The following BRAT1 variants were observed in gnomAD, a reference collection of about 807,000 sequenced individuals.
BRAT1 encodes BRCA1 associated ATM activator 1, also known as integrator complex assembly factor BRAT1.
BRAT1 carries 74 observed loss-of-function variants against 70.6 expected under a neutral mutation model. The observed-to-expected ratio is 1.05, with a 90% CI of 0.87 to 1.27. The LOEUF (loss-of-function observed/expected upper bound fraction) is 1.27. Ranked by LOEUF, BRAT1 falls within the 50% of genes most tolerant of loss-of-function variation. BRAT1 has a pLI of 0.00. For synonymous variants in BRAT1, 615 were observed against 517.1 expected (o/e 1.19, Z -2.57); for missense variants, 1,203 against 1,098.2 (o/e 1.10, Z -1.35).
chr7:2,545,091 C>A, intron 3 of BRAT1, 35 bp from the exon 4 acceptor site: 2 of 1,459,028 alleles, frequency 1.4e-6, no homozygotes, highest in Non-Finnish European at 1.8e-6. Flanking sequence ...GGTGGCCAGG[C>A]GCAGTGGCTG....
Position 2,539,222 on chromosome 7 carries a change from C to T in BRAT1, c.1727G>A (p.Gly576Asp). ...CTCAGGGCTGGTGGGGGCGTGCAGG[C>T]CCTGGCTGGACAGCTGCCCCATGGC... is the stretch of plus-strand genomic sequence containing the variant. ...VTAMGQLSSQ[G>D]LHAPTSPEHA... The change falls in exon 13 of 14, where the codon GGC becomes GAC. Residue 576 changes from glycine to aspartate, a missense_variant. Coordinates refer to ENST00000340611, the MANE Select transcript of BRAT1 (RefSeq NM_152743.4). 1 of 1,610,618 alleles carries T rather than the reference C, an allele frequency of 6.2e-7. No homozygotes were observed. Among genetic ancestry groups the T allele is most frequent in the African/African-American group, 1.3e-5 (1 of 74,992 alleles).
chr7:2,541,621 T>C (rs1583302860), intron 8 of BRAT1, 97 bp downstream of exon 8: 2 of 1,461,802 alleles, frequency 1.4e-6, no homozygotes, highest in Non-Finnish European at 1.8e-6. Flanking sequence ...GATGCAAGGG[T>C]GCTGGGGCAG....
chr7:2,542,051 C>G, intron 7 of BRAT1, 69 bp downstream of exon 7: 1 of 1,392,192 alleles, frequency 7.2e-7, no homozygotes, highest in South Asian at 1.5e-5. Context: ...CAGCTACTCT[C>G]ATCCATCTCC....
Position 2,543,340 on chromosome 7 carries a change from G to A in BRAT1, c.804-17C>T. The A allele has an allele frequency of 6.4e-7, 1 of 1,567,668 alleles. No individual in the cohort carries two copies. Among genetic ancestry groups the A allele is most frequent in the South Asian group, 1.2e-5 (1 of 85,924 alleles). On this transcript the variant is annotated splice_polypyrimidine_tract_variant and intron_variant, in intron 5 of 13. Coordinates refer to ENST00000340611, the MANE Select transcript of BRAT1 (RefSeq NM_152743.4). The surrounding 1 kb of genome is among the most constrained non-coding windows in gnomAD (Gnocchi z 5.5). ...ACGGGAGAACTGCAGGGAGACCCCA[G>A]AGAGAAAAATTACTCCCCCACCCTC...
intron 4 of BRAT1, among the ~76,000 whole-genome samples, chr7:2,544,508 C>CT (rs1479931274): frequency 6.6e-6 from 1 of 152,084 alleles, no homozygotes; most frequent in Admixed American, 6.6e-5. Flanking sequence ...AGCCTCGTTT[C>CT]TTGTTTTTTT....
chr7:2,540,915 T>G, intron 10 of BRAT1, 64 bp downstream of exon 10: 1 of 1,416,034 alleles, frequency 7.1e-7, no homozygotes, highest in Non-Finnish European at 9.3e-7. Flanking sequence ...CGGGGTGGAG[T>G]CAGGGGTGGG....
chr7:2,555,036 G>T (rs895026768), intron 1 of BRAT1, among the ~76,000 whole-genome samples: 2 of 150,790 alleles, frequency 1.3e-5, no homozygotes, highest in African/African-American at 4.9e-5. Flanking sequence ...GAGGGGAAGG[G>T]GCACCTGTCC....
At position 2,537,933 on chromosome 7, in the gene BRAT1, TTG is replaced by T; in HGVS notation, c.*134_*135del. ...CATCAAACTGTGGGATTTCTTGACC[TTG>T]CTTCTCTCCTGGTCCTGGCTTCCCC... is the stretch of plus-strand genomic sequence containing the variant. On this transcript the variant is annotated 3_prime_UTR_variant, in exon 14 of 14. Transcript: ENST00000340611. 1 of 1,334,998 alleles carries T rather than the reference TTG, an allele frequency of 7.5e-7. No individual in the cohort carries two copies. The highest frequency in any genetic ancestry group is 9.7e-7 in the Non-Finnish European group (1 of 1,033,748). 82.7% of individuals were successfully genotyped at this position (1,334,998 alleles called of 1,614,324 possible). A position where few individuals can be genotyped will look rare whatever the true frequency, so the allele number is the denominator to read the frequency against.
chr7:2,542,739 C>A, intron 6 of BRAT1: 1 of 177,242 alleles, frequency 5.6e-6, no homozygotes, highest in South Asian at 1.2e-4. Flanking sequence ...AGGTCACTTC[C>A]ACCCCTATTG....
Position 2,538,309 on chromosome 7 carries a change from G to A in BRAT1, c.2226C>T (p.Ser742=), listed in dbSNP as rs746172037. The part of the protein sequence containing the change: ...SYSSLREARG[S]PNTASAEATL... ...TGGCCTCTGCGGAGGCAGTGTTGGG[G>A]CTGCCCCTGGCCTCCCGCAGGCTGC... Residue 742 remains serine, a synonymous_variant, in exon 14 of 14, where the codon AGC becomes AGT. Transcript: ENST00000340611. 7 of 1,612,886 alleles carry A rather than the reference G, an allele frequency of 4.3e-6. No individual in the cohort carries two copies. The highest frequency in any genetic ancestry group is 5.9e-6 in the Non-Finnish European group (7 of 1,179,880).
At chr7:2,554,062 C>T (rs544627819) in intron 2 of BRAT1, among the ~76,000 whole-genome samples, 1 of 152,310 alleles carries the variant, frequency 6.6e-6, no homozygotes, top group African/African-American at 2.4e-5. Flanking sequence ...CCTTGGGGTG[C>T]CCTGATCGTG....
Position 2,541,431 on chromosome 7 carries a change from A to T in BRAT1, c.1188T>A (p.Thr396=). 1 of 1,582,202 alleles carries T rather than the reference A, an allele frequency of 6.3e-7. No individual in the cohort carries two copies. Among genetic ancestry groups the T allele is most frequent in the Non-Finnish European group, 8.6e-7 (1 of 1,165,144 alleles). ...PQASLLGATV[T]VLRLCDGSAA... ...CCGAGCCGTCACAGAGCCGCAGGAC[A>T]GTCACTGTAGCCCCCAGTAGAGACG... Residue 396 remains threonine, a synonymous_variant, in exon 9 of 14, where the codon ACT becomes ACA. Coordinates refer to ENST00000340611, the MANE Select transcript of BRAT1 (RefSeq NM_152743.4).
Position 2,540,905 on chromosome 7 carries a change from C to T in BRAT1, c.1395+74G>A, listed in dbSNP as rs531892238. The T allele has an allele frequency of 1.2e-4, 172 of 1,378,960 alleles. No homozygotes were observed. The South Asian group carries it at 1.5e-3, about 12-fold the overall frequency. 85.4% of individuals were successfully genotyped at this position (1,378,960 alleles called of 1,614,324 possible). The stretch of plus-strand genomic sequence containing the variant: ...CCCATCCGCAGAGGCCTGCACGGGA[C>T]GGGGTGGAGTCAGGGGTGGGTCCCA... On this transcript the variant is annotated intron_variant, in intron 10 of 13. Coordinates refer to ENST00000340611, the MANE Select transcript of BRAT1 (RefSeq NM_152743.4).
At chr7:2,542,517 T>TACCCCCA (rs1779254974) in intron 6 of BRAT1, 1 of 430,208 alleles carries the variant, frequency 2.3e-6, no homozygotes, top group Non-Finnish European at 4.2e-6. Flanking sequence ...AGGGATGGGG[T>TACCCCCA]GCCCCCAGGT....
intron 9 of BRAT1, 30 bp downstream of exon 9, chr7:2,541,268 C>A: frequency 2.6e-6 from 4 of 1,539,110 alleles, no homozygotes; most frequent in Non-Finnish European, 3.5e-6. Flanking sequence ...AGGGATAGCC[C>A]CACGCCAAAG....
intron 4 of BRAT1, chr7:2,544,200 G>GTTTTGTTTTTT (rs1779418426): frequency 9.5e-6 from 1 of 105,714 alleles, no homozygotes. Flanking sequence ...CCTTCTTGTT[G>GTTTTGTTTTTT]TTTTTTTTTT....
intron 2 of BRAT1, among the ~76,000 whole-genome samples, chr7:2,550,324 C>T (rs1189203421): frequency 3.3e-5 from 5 of 150,708 alleles, no homozygotes; most frequent in Admixed American, 1.3e-4. Flanking sequence ...AAAACTTAGC[C>T]GGGCGTGGTG....
chr7:2,554,621 A>C (rs919486913), intron 1 of BRAT1, among the ~76,000 whole-genome samples, 174 bp from the exon 2 acceptor site: 1 of 152,108 alleles, frequency 6.6e-6, no homozygotes, highest in African/African-American at 2.4e-5. Context: ...GATGGATGCA[A>C]AGCTTTGGTC....
At chr7:2,553,035 C>T (rs1030274455) in intron 2 of BRAT1, among the ~76,000 whole-genome samples, 5 of 151,914 alleles carry the variant, frequency 3.3e-5, no homozygotes, top group South Asian at 2.1e-4. Context: ...TGAGCCACCG[C>T]GCTCGACTGA....
Sources: gnomAD v4.1 joint callset for allele counts (sites outside exome capture counted in the v4.1 genomes callset) on GRCh38, gnomAD v4.1.1 for gene constraint, Gnocchi (gnomAD v3.1) non-coding constraint, MANE v1.5 for transcripts, NCBI Gene and HGNC (gene_info 2026-07-23, HGNC 2026-07-21) for gene names.